SLC23A2: variants seen among roughly 807,000 people sequenced by gnomAD.
SLC23A2 encodes the protein Na(+)/L-ascorbic acid transporter 2.
In SLC23A2, 36 loss-of-function variants were observed where a neutral mutation model predicts 73.3. The ratio of observed to expected loss-of-function variants is 0.49; its 90% CI spans 0.38 to 0.65. SLC23A2 has a LOEUF of 0.65. SLC23A2 is among the 30% of genes least tolerant of loss of function. The pLI is 0.00. For synonymous variants in SLC23A2, 343 were observed against 327.3 expected, an observed-to-expected ratio of 1.05 and a Z score of -0.52; for missense variants, 507 against 841.6, an observed-to-expected ratio of 0.60 and a Z score of 4.92.
At chr20:4,973,539 GC>G in intron 1 of SLC23A2, among the ~76,000 whole-genome samples, 1 of 152,272 alleles carries the variant, frequency 6.6e-6, no homozygotes, top group East Asian at 1.9e-4. Flanking sequence ...CTGGGAACAT[GC>G]AAATACATTT....
chr20:4,869,343 A>AAAAAC (rs1568603042), intron 12 of SLC23A2, among the ~76,000 whole-genome samples: 1 of 149,508 alleles, frequency 6.7e-6, no homozygotes, highest in African/African-American at 2.5e-5. Context: ...CAAAAAAAAA[A>AAAAAC]CAAAAAAAAC....
intron 2 of SLC23A2, among the ~76,000 whole-genome samples, chr20:4,939,874 G>A (rs2122959652): frequency 6.6e-6 from 1 of 152,252 alleles, no homozygotes; most frequent in East Asian, 1.9e-4. Flanking sequence ...AAAAGGATTT[G>A]AAAAACCAAA....
upstream of SLC23A2, among the ~76,000 whole-genome samples, chr20:5,003,359 G>T (rs1454785351): frequency 1.3e-5 from 2 of 151,098 alleles, no homozygotes; most frequent in Non-Finnish European, 2.9e-5. Context: ...ACTCCAGCCT[G>T]GGCGACAGAG....
chr20:4,909,747 G>A (rs1055658335), intron 4 of SLC23A2, among the ~76,000 whole-genome samples: 41 of 152,106 alleles, frequency 2.7e-4, no homozygotes, highest in Non-Finnish European at 1.5e-4. Context: ...AGTAGAGACG[G>A]GGTTTCACCA....
chr20:4,965,809 A>C (rs1281406957), intron 2 of SLC23A2, among the ~76,000 whole-genome samples: 1 of 152,150 alleles, frequency 6.6e-6, no homozygotes, highest in Non-Finnish European at 1.5e-5. Context: ...TCTACTAAGA[A>C]TACAAAAATT....
At chr20:4,960,968 G>A (rs549919438) in intron 2 of SLC23A2, among the ~76,000 whole-genome samples, 1 of 152,174 alleles carries the variant, frequency 6.6e-6, no homozygotes, top group South Asian at 2.1e-4. Flanking sequence ...TATACAGTCT[G>A]AACACACAAA....
chr20:4,983,463 G>T (rs1384506086), intron 1 of SLC23A2, among the ~76,000 whole-genome samples: 3 of 148,092 alleles, frequency 2.0e-5, no homozygotes, highest in Non-Finnish European at 2.9e-5. Context: ...TGGCCAACAC[G>T]GTGAAACCCC....
Position 5,006,948 on chromosome 20 carries a change from C to CGTGTGTGT in SLC23A2, c.-282+3226_-282+3233dup, listed in dbSNP as rs375441910. On this transcript the variant is annotated intron_variant, in intron 1 of 16. Coordinates refer to the SLC23A2 transcript ENST00000379333. ...CAGGACCAAGACCTGCCTGAAATGA[C>CGTGTGTGT]GTGTGTGTGTGTGTGTGTGTGTGTG... Among the ~76,000 whole-genome samples, 24 of 148,126 alleles carry CGTGTGTGT rather than the reference C, an allele frequency of 1.6e-4. No individual in the cohort carries two copies. In the South Asian group the frequency reaches 1.7e-3, roughly 11 times the overall value.
intron 2 of SLC23A2, among the ~76,000 whole-genome samples, chr20:4,969,191 G>A (rs147752519): frequency 0.02 from 3,064 of 150,920 alleles, 103 homozygotes; most frequent in South Asian, 0.14. Flanking sequence ...AGGTTCAAGC[G>A]ATTCTCCTAC....
Position 5,000,430 on chromosome 20 carries a change from A to G in SLC23A2, c.-282+976T>C, listed in dbSNP as rs565352755. Among the ~76,000 whole-genome samples, 344 of 152,316 alleles carry G rather than the reference A, an allele frequency of 2.3e-3. 2 individuals are homozygous for G. The highest frequency in any genetic ancestry group is 7.7e-3 in the African/African-American group (322 of 41,578). On this transcript the variant is annotated intron_variant, in intron 1 of 16. Transcript: ENST00000338244. ...CAAACCAGACTGCCTCCGGACTCCC[A>G]GTCCCATGTCCTCGCACATCCCGGG...
intron 2 of SLC23A2, among the ~76,000 whole-genome samples, chr20:4,940,825 G>T (rs564614526): frequency 2.6e-5 from 4 of 152,248 alleles, no homozygotes; most frequent in South Asian, 2.1e-4. Flanking sequence ...CAGGGACTTG[G>T]GGGGGCGGTC....
chr20:4,985,450 A>ATTT (rs372176082), intron 1 of SLC23A2, among the ~76,000 whole-genome samples: 1 of 144,460 alleles, frequency 6.9e-6, no homozygotes, highest in African/African-American at 2.5e-5. Context: ...AAAAAACCAC[A>ATTT]TTTTTTTTTT....
In SLC23A2 at chr20:4,911,505, C is replaced by G. The variant is rs561510883; in HGVS notation, c.207+1375G>C. On this transcript the variant is annotated intron_variant, in intron 4 of 16. Transcript: ENST00000338244. The stretch of plus-strand genomic sequence containing the variant: ...ACCATGCTAATACCCAACTCAGGTA[C>G]TATATTTGTATGTGTCAACTTCTGG... 2.5e-3 allele frequency among the ~76,000 whole-genome samples: 384 copies of G among 152,058 alleles called. 2 individuals carry two copies. Among genetic ancestry groups the G allele is most frequent in the African/African-American group, 8.5e-3 (354 of 41,470 alleles).
intron 2 of SLC23A2, among the ~76,000 whole-genome samples, chr20:4,966,839 C>T (rs911229693): frequency 5.4e-5 from 8 of 148,482 alleles, no homozygotes; most frequent in Non-Finnish European, 9.0e-5. Context: ...CACACACACA[C>T]ACACACACAC....
At chr20:4,967,601 C>T (rs1182488325) in intron 2 of SLC23A2, among the ~76,000 whole-genome samples, 1 of 152,136 alleles carries the variant, frequency 6.6e-6, no homozygotes, top group African/African-American at 2.4e-5. Context: ...CATTTTTATA[C>T]GACATGTTTG....
chr20:5,000,486 C>T (rs561822544), intron 1 of SLC23A2, among the ~76,000 whole-genome samples: 32 of 152,266 alleles, frequency 2.1e-4, no homozygotes, highest in Non-Finnish European at 4.0e-4. Context: ...ACCCAATTGT[C>T]AGCAGGGACT....
At chr20:4,967,436 T>C (rs749228720) in intron 2 of SLC23A2, among the ~76,000 whole-genome samples, 3 of 152,338 alleles carry the variant, frequency 2.0e-5, no homozygotes, top group African/African-American at 4.8e-5. Flanking sequence ...ATCTCTTTCA[T>C]AGTAACTGTT....
chr20:4,936,988 A>T, intron 2 of SLC23A2, among the ~76,000 whole-genome samples: 1 of 152,202 alleles, frequency 6.6e-6, no homozygotes. Flanking sequence ...ACCTTTCATC[A>T]GGGACAGTAC....
rs1931654507 is a variant in SLC23A2 at position 4,899,179 on chromosome 20, G to A, written c.482+376C>T. On this transcript the variant is annotated intron_variant, in intron 6 of 16. Transcript: ENST00000338244. The surrounding 1 kb of genome is among the most constrained non-coding windows in gnomAD (Gnocchi z 4.9). ...TGGCACTGGGTGTGGGGCACAAAGT[G>A]AGTCCAAGAGCAGTGCCCTGGAGGC... Among the ~76,000 whole-genome samples the A allele has an allele frequency of 6.6e-6, 1 of 152,164 alleles. No homozygotes were observed. Among genetic ancestry groups the A allele is most frequent in the Non-Finnish European group, 1.5e-5 (1 of 68,032 alleles).
Sources: gnomAD v4.1 joint callset for allele counts (sites outside exome capture counted in the v4.1 genomes callset) on GRCh38, gnomAD v4.1.1 for gene constraint, Gnocchi (gnomAD v3.1) non-coding constraint, MANE v1.5 for transcripts, NCBI Gene and HGNC (gene_info 2026-07-23, HGNC 2026-07-21) for gene names.